Variants in EYS observed in about 807,000 individuals in gnomAD.
EYS encodes the protein protein eyes shut homolog.
A neutral mutation model predicts 282.1 loss-of-function variants in EYS; 250 were observed. That is an observed-to-expected ratio of 0.89 (90% CI 0.80 to 0.98). The LOEUF is 0.98. EYS is among the 50% of genes least tolerant of loss of function. The pLI, the probability that EYS is intolerant of heterozygous loss-of-function variation, is 0.00. For missense variants in EYS, 4,016 were observed against 3,709.0 expected (o/e 1.08, Z -2.15); for synonymous variants, 1,355 against 1,282.9 (o/e 1.06, Z -1.20).
At chr6:64,364,315 T>G (rs944656596) in intron 29 of EYS, among the ~76,000 whole-genome samples, 2 of 151,960 alleles carry the variant, frequency 1.3e-5, no homozygotes, top group African/African-American at 2.4e-5. Flanking sequence ...TTCTATAATA[T>G]AGAATCAGGG....
chr6:64,832,067 A>C (rs1411812836), intron 19 of EYS, among the ~76,000 whole-genome samples: 1 of 151,912 alleles, frequency 6.6e-6, no homozygotes. Context: ...CAATAGAAGT[A>C]ACAGTTTATA....
chr6:64,040,642 G>A (rs1770346822), intron 33 of EYS, among the ~76,000 whole-genome samples: 1 of 152,112 alleles, frequency 6.6e-6, no homozygotes, highest in Non-Finnish European at 1.5e-5. Flanking sequence ...AAAAACTAAG[G>A]ACAAAGAGTC....
intron 14 of EYS, among the ~76,000 whole-genome samples, chr6:64,954,305 G>T (rs889380089): frequency 2.0e-5 from 3 of 151,006 alleles, no homozygotes; most frequent in Admixed American, 2.0e-4. Context: ...CTAGAATAAA[G>T]AAGTTTAGAC....
At chr6:64,594,721 AG>A (rs1766525070) in intron 24 of EYS, among the ~76,000 whole-genome samples, 1 of 151,012 alleles carries the variant, frequency 6.6e-6, no homozygotes, top group Non-Finnish European at 1.5e-5. Context: ...GGATAGCATT[AG>A]GAGATATACC....
chr6:65,210,545 A>G lies in EYS; in HGVS notation c.2023+85318T>C, dbSNP rs200837910. Reference sequence around the variant, plus strand: ...AGACTGCAGTTACTATGCTCACTGGAAAATAGCCTCATATTATTAAATCAA... The same window carrying G: ...AGACTGCAGTTACTATGCTCACTGGGAAATAGCCTCATATTATTAAATCAA... On this transcript the variant is annotated intron_variant, in intron 12 of 42. Coordinates refer to ENST00000503581, the MANE Select transcript of EYS (RefSeq NM_001142800.2). Among the ~76,000 whole-genome samples, 12 of 152,128 alleles carry G rather than the reference A, an allele frequency of 7.9e-5. No homozygotes were observed. In the East Asian group the frequency reaches 2.3e-3, roughly 29 times the overall value.
At chr6:63,886,866 A>G (rs1041422496) in intron 35 of EYS, among the ~76,000 whole-genome samples, 1 of 152,210 alleles carries the variant, frequency 6.6e-6, no homozygotes, top group African/African-American at 2.4e-5. Flanking sequence ...GAATATTACC[A>G]TGGAAGGAAA....
At chr6:64,474,581 T>A (rs1242497766) in intron 26 of EYS, among the ~76,000 whole-genome samples, 2 of 152,188 alleles carry the variant, frequency 1.3e-5, no homozygotes, top group Non-Finnish European at 2.9e-5. Flanking sequence ...ACTTTTCACT[T>A]CCTGCTATTA....
chr6:64,833,824 A>G (rs578234829), intron 19 of EYS, among the ~76,000 whole-genome samples: 13 of 152,060 alleles, frequency 8.5e-5, no homozygotes, highest in Non-Finnish European at 1.9e-4. Flanking sequence ...AAATTATGTT[A>G]TTAGAAGATG....
chr6:64,351,962 G>A (rs1771658242), intron 29 of EYS, among the ~76,000 whole-genome samples: 1 of 151,484 alleles, frequency 6.6e-6, no homozygotes. Flanking sequence ...AAATGTAGGA[G>A]CCCCATTTTC....
intron 14 of EYS, among the ~76,000 whole-genome samples, chr6:64,975,727 T>C (rs1050120362): frequency 3.3e-5 from 5 of 151,914 alleles, no homozygotes; most frequent in African/African-American, 1.2e-4. Context: ...TAAAAATCCC[T>C]TCTTTTGATT....
intron 2 of EYS, among the ~76,000 whole-genome samples, chr6:65,575,736 T>G (rs926796461): frequency 6.6e-6 from 1 of 151,928 alleles, no homozygotes; most frequent in South Asian, 2.1e-4. Context: ...CTCAAATATA[T>G]GAAACCAGAA....
intron 29 of EYS, among the ~76,000 whole-genome samples, chr6:64,362,884 CATT>C (rs147756482): frequency 0.08 from 12,076 of 151,882 alleles, 657 homozygotes; most frequent in Non-Finnish European, 0.12. Flanking sequence ...AAATTTACAT[CATT>C]CTCTTTTAAA....
At chr6:64,905,103 G>T (rs903876770) in intron 16 of EYS, among the ~76,000 whole-genome samples, 2 of 152,114 alleles carry the variant, frequency 1.3e-5, no homozygotes, top group Non-Finnish European at 2.9e-5. Flanking sequence ...ATATTATAAT[G>T]GACCTATAAA....
chr6:65,659,275 T>A (rs769469224), intron 1 of EYS, among the ~76,000 whole-genome samples: 9 of 151,748 alleles, frequency 5.9e-5, no homozygotes, highest in Admixed American at 4.0e-4. Flanking sequence ...AAAAGGAAAC[T>A]TTGTTTTCAA....
chr6:65,142,154 A>G (rs1020336125), intron 12 of EYS, among the ~76,000 whole-genome samples: 1 of 152,076 alleles, frequency 6.6e-6, no homozygotes, highest in Non-Finnish European at 1.5e-5. Context: ...TAATTATTTT[A>G]TAGTATATAC....
rs143244737 is a variant in EYS at position 64,372,567 on chromosome 6, A to C, written c.6078+16123T>G. ...GTAGTATTTTGCAGGGTTTCTCTGC[A>C]TTTTGATTTGAATGTTGACCTCTCT... On this transcript the variant is annotated intron_variant, in intron 29 of 42. Transcript: ENST00000503581. Among the ~76,000 whole-genome samples the C allele has an allele frequency of 8.3e-3, 1,258 of 152,094 alleles. 9 individuals carry two copies. The highest frequency in any genetic ancestry group is 0.027 in the Middle Eastern group (8 of 294).
rs1768033468 is a variant in EYS, at chr6:64,912,574, T to G, written c.2551A>C (p.Asn851His). 1 of 1,551,174 alleles carries G rather than the reference T, an allele frequency of 6.4e-7. No homozygotes were observed. The highest frequency in any genetic ancestry group is 8.7e-7 in the Non-Finnish European group (1 of 1,146,692). Residue 851 changes from asparagine to histidine, a missense_variant, in exon 16 of 43, where the codon AAC becomes CAC. Transcript: ENST00000503581. ...YTGQFCHQRY[N>H]LCDLLHNPCR... ...GGGTTATGAAGTAGGTCACAAAGGTTATAGCGTTGGTGGCAAAATTGTCCA... is the reference window on the plus strand; with the variant it reads ...GGGTTATGAAGTAGGTCACAAAGGTGATAGCGTTGGTGGCAAAATTGTCCA...
chr6:65,353,397 C>T (rs781030223), intron 9 of EYS, 61 bp downstream of exon 9: 25 of 1,438,792 alleles, frequency 1.7e-5, no homozygotes, highest in African/African-American at 7.0e-5. Context: ...AAAATGAATA[C>T]GTGACTAGCA....
At chr6:64,649,914 C>A (rs1361159473) in intron 22 of EYS, among the ~76,000 whole-genome samples, 1 of 151,950 alleles carries the variant, frequency 6.6e-6, no homozygotes, top group Non-Finnish European at 1.5e-5. Flanking sequence ...GTGAGGGTAC[C>A]ATGGACTACT....
Sources: allele counts gnomAD v4.1 joint callset (sites outside exome capture counted in the v4.1 genomes callset), GRCh38; gene constraint gnomAD v4.1.1; transcripts MANE v1.5; gene names NCBI Gene and HGNC (gene_info 2026-07-23, HGNC 2026-07-21).